The following C13orf42 variants were observed in gnomAD, a reference collection of about 807,000 sequenced individuals.
The protein encoded by C13orf42 is uncharacterized protein C13orf42.
At chr13:51,100,487 A>T (rs1050432436) in intron 1 of C13orf42, among the ~76,000 whole-genome samples, 2 of 152,174 alleles carry the variant, frequency 1.3e-5, no homozygotes, top group Non-Finnish European at 2.9e-5. Flanking sequence ...AGCCAAAAGA[A>T]AATGTATGAA....
chr13:51,083,692 C>G lies in C13orf42; in HGVS notation c.*459G>C, dbSNP rs570129345. Reference sequence around the variant, plus strand: ...ACAAGACGGCAACCTCAGTGCAGATCCAGCATGTCTCTGAGCCTCATAGAA... The same window carrying G: ...ACAAGACGGCAACCTCAGTGCAGATGCAGCATGTCTCTGAGCCTCATAGAA... On this transcript the variant is annotated 3_prime_UTR_variant, in exon 4 of 4. Transcript: ENST00000563710. 1 of 153,006 alleles carries G rather than the reference C, an allele frequency of 6.5e-6. No individual in the cohort carries two copies. Among genetic ancestry groups the G allele is most frequent in the Non-Finnish European group, 1.5e-5 (1 of 68,554 alleles). The allele number at this position is 153,006 out of a possible 1,614,324, so 9.5% of individuals were successfully genotyped here. A position where few individuals can be genotyped will look rare whatever the true frequency, so the allele number is the denominator to read the frequency against.
intron 1 of C13orf42, among the ~76,000 whole-genome samples, chr13:51,142,078 T>C (rs1260025700): frequency 6.6e-6 from 1 of 152,244 alleles, no homozygotes; most frequent in East Asian, 1.9e-4. Flanking sequence ...GATCTTCGCT[T>C]ATGTAATTTA....
chr13:51,088,176 G>A (rs1308665128), intron 1 of C13orf42, 101 bp from the exon 2 acceptor site: 1 of 395,986 alleles, frequency 2.5e-6, no homozygotes, highest in East Asian at 3.6e-5. Flanking sequence ...CGTGGGGTTA[G>A]GGATTTGTGA....
rs1204591432 is a variant in C13orf42, at chr13:51,083,987, C to T, written c.*164G>A. 1.3e-5 allele frequency: 5 copies of T among 392,212 alleles called. No individual in the cohort carries two copies. The highest frequency in any genetic ancestry group is 2.2e-5 in the Non-Finnish European group (5 of 222,614). The allele number at this position is 392,212 out of a possible 1,614,324, so 24.3% of individuals were successfully genotyped here. On this transcript the variant is annotated 3_prime_UTR_variant, in exon 4 of 4. Transcript: ENST00000563710. ...TCCTGAGACCTGTCCCCTGGGAAGC[C>T]ACAGGTCTGTTTGGCACTGGCACGG...
At position 51,084,300 on chromosome 13, in the gene C13orf42, A is replaced by G; in HGVS notation, c.829T>C (p.Phe277Leu). 1 of 398,704 alleles carries G rather than the reference A, an allele frequency of 2.5e-6. No individual in the cohort carries two copies. The highest frequency in any genetic ancestry group is 4.4e-6 in the Non-Finnish European group (1 of 226,102). 24.7% of individuals were successfully genotyped at this position (398,704 alleles called of 1,614,324 possible). A position where few individuals can be genotyped will look rare whatever the true frequency, so the allele number is the denominator to read the frequency against. Reference protein sequence around the residue: ...KDLGSSRQILFNFSGEDMEWD... With the variant: ...KDLGSSRQILLNFSGEDMEWD... ...TCCATATCTTCTCCTGAGAAGTTGAAAAGGATCTGTCTGGAGCTCCCCAGG... is the reference window on the plus strand; with the variant it reads ...TCCATATCTTCTCCTGAGAAGTTGAGAAGGATCTGTCTGGAGCTCCCCAGG... The change falls in exon 4 of 4, where the codon TTC becomes CTC. Residue 277 changes from phenylalanine to leucine, a missense_variant. Transcript: ENST00000563710.
intron 1 of C13orf42, among the ~76,000 whole-genome samples, chr13:51,152,809 CCA>C (rs995726816): frequency 2.0e-5 from 3 of 152,160 alleles, no homozygotes; most frequent in Admixed American, 2.0e-4. Flanking sequence ...CCTGGGAAAT[CCA>C]CAGATAACCC....
intron 1 of C13orf42, among the ~76,000 whole-genome samples, chr13:51,128,370 A>G (rs953349434): frequency 6.6e-6 from 1 of 152,180 alleles, no homozygotes; most frequent in Admixed American, 6.5e-5. Flanking sequence ...CTGTTGAACC[A>G]TGCAAGGGAT....
At chr13:51,097,633 G>A (rs1593531471) in intron 1 of C13orf42, among the ~76,000 whole-genome samples, 2 of 152,262 alleles carry the variant, frequency 1.3e-5, no homozygotes, top group Admixed American at 1.3e-4. Flanking sequence ...TTTACAAAGA[G>A]GTGGTTGTGC....
chr13:51,135,990 G>A (rs12864781), intron 1 of C13orf42, among the ~76,000 whole-genome samples: 19,133 of 152,202 alleles, frequency 0.13, 1,320 homozygotes, highest in African/African-American at 0.16. Flanking sequence ...GGGTAAACCC[G>A]AGATTAGCAT....
chr13:51,123,076 T>G (rs771814655), intron 1 of C13orf42, among the ~76,000 whole-genome samples: 4 of 152,180 alleles, frequency 2.6e-5, no homozygotes, highest in Non-Finnish European at 5.9e-5. Flanking sequence ...GAGAGCAAGC[T>G]AAGCCAAAAC....
intron 1 of C13orf42, among the ~76,000 whole-genome samples, chr13:51,126,823 T>C (rs1953581415): frequency 6.6e-6 from 1 of 152,122 alleles, no homozygotes; most frequent in South Asian, 2.1e-4. Context: ...TTCTGACAAA[T>C]GAAGAATTCA....
chr13:51,148,864 C>G (rs1293912508), intron 1 of C13orf42, among the ~76,000 whole-genome samples: 1 of 152,220 alleles, frequency 6.6e-6, no homozygotes, highest in South Asian at 2.1e-4. Flanking sequence ...CCCTGGCTGC[C>G]CACCTCAAAG....
chr13:51,167,021 G>A (rs1209566414), intron 1 of C13orf42, among the ~76,000 whole-genome samples: 1 of 151,980 alleles, frequency 6.6e-6, no homozygotes, highest in African/African-American at 2.4e-5. Flanking sequence ...AGAGGTTGCA[G>A]TGAGCCGAGA....
chr13:51,120,103 C>T (rs73485861), intron 1 of C13orf42, among the ~76,000 whole-genome samples: 6,409 of 152,200 alleles, frequency 0.042, 406 homozygotes, highest in African/African-American at 0.15. Flanking sequence ...GCCATTGTTA[C>T]TAATAATGTA....
intron 1 of C13orf42, among the ~76,000 whole-genome samples, chr13:51,147,129 C>G (rs1953741705): frequency 6.6e-6 from 1 of 152,268 alleles, no homozygotes; most frequent in Admixed American, 6.5e-5. Flanking sequence ...ATGTGTCCCC[C>G]TCCCAGGTAC....
intron 1 of C13orf42, among the ~76,000 whole-genome samples, chr13:51,145,853 C>T (rs1028178918): frequency 2.0e-5 from 3 of 152,226 alleles, no homozygotes; most frequent in Non-Finnish European, 4.4e-5. Flanking sequence ...TATTGATTGA[C>T]GTCTCATGTC....
chr13:51,147,625 A>T (rs1953746897), intron 1 of C13orf42, among the ~76,000 whole-genome samples: 1 of 152,078 alleles, frequency 6.6e-6, no homozygotes, highest in Non-Finnish European at 1.5e-5. Context: ...GCTACTCGGG[A>T]GGCTGAGGCT....
chr13:51,161,811 G>T (rs1593558142), intron 1 of C13orf42: 1 of 362,620 alleles, frequency 2.8e-6, no homozygotes, highest in East Asian at 6.9e-5. Flanking sequence ...GAATCGTTAG[G>T]CACTGTGAGG....
At chr13:51,155,831 G>A (rs1478733682) in intron 1 of C13orf42, among the ~76,000 whole-genome samples, 1 of 152,164 alleles carries the variant, frequency 6.6e-6, no homozygotes, top group Non-Finnish European at 1.5e-5. Context: ...TCAGAGGCGG[G>A]GTCTTGTTCA....
Sources: allele counts gnomAD v4.1 joint callset (sites outside exome capture counted in the v4.1 genomes callset), GRCh38; gene constraint gnomAD v4.1.1; transcripts MANE v1.5; gene names NCBI Gene and HGNC (gene_info 2026-07-23, HGNC 2026-07-21).